CCSER1: variants seen among roughly 807,000 people sequenced by gnomAD.
CCSER1 encodes the protein coiled-coil serine rich protein 1, also known as serine-rich coiled-coil domain-containing protein 1.
CCSER1 carries 41 observed loss-of-function variants against 82.0 expected under a neutral mutation model. That is an observed-to-expected ratio of 0.50 (90% CI 0.39 to 0.65). The LOEUF (loss-of-function observed/expected upper bound fraction) is 0.65, where lower values mean the gene tolerates loss of function less well. Ranked by LOEUF, CCSER1 falls within the 30% of genes least tolerant of loss-of-function variation. The probability of loss-of-function intolerance (pLI) is 0.00; values close to 1 mark genes in which losing one functional copy is unlikely to be tolerated. For synonymous variants in CCSER1, 414 were observed against 383.9 expected (o/e 1.08, Z -0.92); for missense variants, 1,119 against 1,064.2 (o/e 1.05, Z -0.72).
At position 91,150,548 on chromosome 4, in the gene CCSER1, G is replaced by C. The variant is rs1040260263; in HGVS notation, c.2217+64554G>C. 2.0e-5 allele frequency among the ~76,000 whole-genome samples: 3 copies of C among 152,160 alleles called. No homozygotes were observed. The East Asian group carries it at 5.8e-4, about 29-fold the overall frequency. Reference sequence around the variant, plus strand: ...AGGAGTGGTGAGAGAGGGCATCCCTGTCTTGTGTGCCAGTTTTCAAAGGGA... The same window carrying C: ...AGGAGTGGTGAGAGAGGGCATCCCTCTCTTGTGTGCCAGTTTTCAAAGGGA... On this transcript the variant is annotated intron_variant, in intron 10 of 10. Coordinates refer to ENST00000509176, the MANE Select transcript of CCSER1 (RefSeq NM_001145065.2).
intron 9 of CCSER1, among the ~76,000 whole-genome samples, chr4:90,935,622 A>C (rs1453862886): frequency 6.6e-6 from 1 of 152,212 alleles, no homozygotes; most frequent in East Asian, 1.9e-4. Context: ...TGGTTTCCCA[A>C]CTTAAAAATA....
intron 7 of CCSER1, among the ~76,000 whole-genome samples, chr4:90,811,724 G>A (rs1477930133): frequency 2.6e-5 from 4 of 152,046 alleles, no homozygotes; most frequent in African/African-American, 9.7e-5. Context: ...AAGTCTTAAG[G>A]TGGCGGAAGA....
chr4:90,673,959 GA>G (rs548140738), intron 6 of CCSER1, among the ~76,000 whole-genome samples: 2 of 152,054 alleles, frequency 1.3e-5, no homozygotes, highest in East Asian at 1.9e-4. Context: ...CCTTATGACA[GA>G]AGGCAGTTTT....
Position 90,599,376 on chromosome 4 carries a change from C to T in CCSER1, c.1725-28649C>T, listed in dbSNP as rs757588927. On this transcript the variant is annotated intron_variant, in intron 5 of 10. Coordinates refer to ENST00000509176, the MANE Select transcript of CCSER1 (RefSeq NM_001145065.2). ...TTTTCATTATTTTTCTCTCTCCTCTCGCCATGTAAGACGTGCCTTGCTTCC... is the reference window on the plus strand; with the variant it reads ...TTTTCATTATTTTTCTCTCTCCTCTTGCCATGTAAGACGTGCCTTGCTTCC... Among the ~76,000 whole-genome samples the T allele has an allele frequency of 4.5e-4, 69 of 152,080 alleles. 1 individual carries two copies. Among genetic ancestry groups the T allele is most frequent in the Admixed American group, 1.6e-3 (25 of 15,250 alleles).
chr4:90,438,884 C>A (rs954885957), intron 4 of CCSER1, among the ~76,000 whole-genome samples: 3 of 152,052 alleles, frequency 2.0e-5, no homozygotes, highest in South Asian at 4.1e-4. Flanking sequence ...TGGCACAGTG[C>A]AGATAGTGAA....
At chr4:90,631,472 C>T (rs760585536) in intron 6 of CCSER1, among the ~76,000 whole-genome samples, 2 of 152,138 alleles carry the variant, frequency 1.3e-5, no homozygotes, top group Non-Finnish European at 2.9e-5. Flanking sequence ...GAGGGAACAT[C>T]TTCTACAAAT....
intron 7 of CCSER1, among the ~76,000 whole-genome samples, chr4:90,789,359 T>C (rs975599572): frequency 1.3e-5 from 2 of 152,226 alleles, no homozygotes; most frequent in African/African-American, 4.8e-5. Flanking sequence ...TTTTGTTTGT[T>C]TTCATTTTTC....
chr4:90,261,558 G>C (rs1724338502), intron 1 of CCSER1, among the ~76,000 whole-genome samples: 1 of 152,062 alleles, frequency 6.6e-6, no homozygotes, highest in Admixed American at 6.5e-5. Context: ...ACTTTAGATA[G>C]CCTGATGACT....
chr4:90,641,456 A>AT (rs1323293295), intron 6 of CCSER1, among the ~76,000 whole-genome samples: 3 of 152,040 alleles, frequency 2.0e-5, no homozygotes, highest in African/African-American at 4.8e-5. Context: ...ATTTTCTTAC[A>AT]TTTTTTCAAA....
intron 1 of CCSER1, among the ~76,000 whole-genome samples, chr4:90,205,515 GT>G (rs1738631143): frequency 6.6e-6 from 1 of 152,176 alleles, no homozygotes; most frequent in African/African-American, 2.4e-5. Flanking sequence ...ATTTGCATAT[GT>G]TGAACCAATC....
chr4:91,029,202 T>C (rs1308250510), intron 9 of CCSER1, among the ~76,000 whole-genome samples: 1 of 151,954 alleles, frequency 6.6e-6, no homozygotes, highest in Non-Finnish European at 1.5e-5. Flanking sequence ...ATTTCTGCTC[T>C]CAAAAGTAAT....
chr4:90,481,833 T>C (rs1766033042), intron 5 of CCSER1, among the ~76,000 whole-genome samples: 1 of 152,088 alleles, frequency 6.6e-6, no homozygotes. Flanking sequence ...AAAATTCTCT[T>C]TTTTTTGTTG....
intron 10 of CCSER1, among the ~76,000 whole-genome samples, chr4:91,309,170 T>G (rs1745273621): frequency 1.3e-5 from 2 of 152,086 alleles, no homozygotes. Context: ...CCTTTTTAGA[T>G]GATTACTCTA....
At chr4:91,218,062 G>A (rs1737414220) in intron 10 of CCSER1, among the ~76,000 whole-genome samples, 1 of 152,232 alleles carries the variant, frequency 6.6e-6, no homozygotes, top group African/African-American at 2.4e-5. Flanking sequence ...AGGAGCCCAT[G>A]GAGTGGGTGG....
At chr4:91,538,409 T>A (rs1761406044) in intron 10 of CCSER1, among the ~76,000 whole-genome samples, 1 of 151,686 alleles carries the variant, frequency 6.6e-6, no homozygotes, top group Non-Finnish European at 1.5e-5. Context: ...CTGAAACAGT[T>A]AAAAATAAAA....
intron 1 of CCSER1, among the ~76,000 whole-genome samples, chr4:90,167,270 C>A (rs1463893813): frequency 6.6e-6 from 1 of 152,012 alleles, no homozygotes; most frequent in African/African-American, 2.4e-5. Flanking sequence ...TTTTCATTTA[C>A]AACTGTTAGA....
intron 6 of CCSER1, among the ~76,000 whole-genome samples, chr4:90,723,632 A>G (rs1038783646): frequency 5.3e-5 from 8 of 152,058 alleles, no homozygotes; most frequent in African/African-American, 1.9e-4. Context: ...AATGATGATA[A>G]TAAATACCAC....
chr4:90,476,774 A>G (rs955969189), intron 5 of CCSER1, among the ~76,000 whole-genome samples: 2 of 152,198 alleles, frequency 1.3e-5, no homozygotes, highest in Non-Finnish European at 2.9e-5. Context: ...GAGTCATAAT[A>G]TTTGGTCCCT....
At position 90,870,731 on chromosome 4, in the gene CCSER1, A is replaced by G. The variant is rs138259604; in HGVS notation, c.2095-52639A>G. On this transcript the variant is annotated intron_variant, in intron 8 of 10. Transcript: ENST00000509176. ...ATGTAGAAGTACTTCCTCCTCCTCTATTTTTCTTAGTTGTTTAAGAAGGAT... is the reference window on the plus strand; with the variant it reads ...ATGTAGAAGTACTTCCTCCTCCTCTGTTTTTCTTAGTTGTTTAAGAAGGAT... Among the ~76,000 whole-genome samples, 40 of 142,220 alleles carry G rather than the reference A, an allele frequency of 2.8e-4. 1 individual carries two copies. Among genetic ancestry groups the G allele is most frequent in the African/African-American group, 9.9e-4 (38 of 38,240 alleles). 93.3% of individuals were successfully genotyped at this position (142,220 alleles called of 152,430 possible).
Sources: allele counts gnomAD v4.1 joint callset (sites outside exome capture counted in the v4.1 genomes callset), GRCh38; gene constraint gnomAD v4.1.1; transcripts MANE v1.5; gene names NCBI Gene and HGNC (gene_info 2026-07-23, HGNC 2026-07-21).